The following CADM1 variants were observed in gnomAD, a reference collection of about 807,000 sequenced individuals.
The protein encoded by CADM1 is cell adhesion molecule 1.
Under a neutral mutation model 53.1 loss-of-function variants are expected in CADM1, and 15 were observed. The observed-to-expected ratio is 0.28, with a 90% CI of 0.19 to 0.44. CADM1 has a LOEUF of 0.44. Among genes scored for constraint, CADM1 ranks in the 20% least tolerant of loss-of-function variants. The pLI, the probability that CADM1 is intolerant of heterozygous loss-of-function variation, is 1.00. For synonymous variants in CADM1, 281 were observed against 243.0 expected (o/e 1.16, Z -1.45); for missense variants, 434 against 611.3 (o/e 0.71, Z 3.06).
intron 1 of CADM1, among the ~76,000 whole-genome samples, chr11:115,261,444 A>T (rs1246369662): frequency 6.6e-6 from 1 of 152,206 alleles, no homozygotes; most frequent in Non-Finnish European, 1.5e-5. Flanking sequence ...GAAAAAGTAA[A>T]ACAAAGTAGT....
At chr11:115,305,314 T>G (rs1435569102) in intron 1 of CADM1, among the ~76,000 whole-genome samples, 4 of 152,022 alleles carry the variant, frequency 2.6e-5, no homozygotes, top group African/African-American at 7.2e-5. Context: ...AGTATCTGAT[T>G]ATATACACAG....
At position 115,174,749 on chromosome 11, in the gene CADM1, A is replaced by T. The variant is rs1565276526; in HGVS notation, c.*1725T>A. Reference sequence around the variant, plus strand: ...TGAAAATGTAATAGAATATATATTTATATATATATATAGATCTATCTTTTT... The same window carrying T: ...TGAAAATGTAATAGAATATATATTTTTATATATATATAGATCTATCTTTTT... On this transcript the variant is annotated 3_prime_UTR_variant, in exon 12 of 12. Coordinates refer to ENST00000331581, the MANE Select transcript of CADM1 (RefSeq NM_001301043.2). 47 of 810,258 alleles carry T rather than the reference A, an allele frequency of 5.8e-5. No individual in the cohort carries two copies. The highest frequency in any genetic ancestry group is 6.9e-5 in the Non-Finnish European group (46 of 670,706). The allele number at this position is 810,258 out of a possible 1,614,324, so 50.2% of individuals were successfully genotyped here.
chr11:115,425,432 C>A (rs563557951), intron 1 of CADM1, among the ~76,000 whole-genome samples: 1 of 152,326 alleles, frequency 6.6e-6, no homozygotes, highest in Admixed American at 6.5e-5. Context: ...AGTTTCATTG[C>A]ACCCACTTCA....
chr11:115,482,699 A>G (rs1393923276), intron 1 of CADM1, among the ~76,000 whole-genome samples: 1 of 152,218 alleles, frequency 6.6e-6, no homozygotes, highest in Admixed American at 6.5e-5. Context: ...GGAGTCCCCT[A>G]AAGAGTTAGC....
At chr11:115,461,656 A>C (rs1041360643) in intron 1 of CADM1, among the ~76,000 whole-genome samples, 1 of 152,188 alleles carries the variant, frequency 6.6e-6, no homozygotes, top group Non-Finnish European at 1.5e-5. Context: ...AAAAGAAATG[A>C]ATATGGATGA....
intron 1 of CADM1, among the ~76,000 whole-genome samples, chr11:115,302,613 C>T (rs532020716): frequency 6.6e-6 from 1 of 152,030 alleles, no homozygotes; most frequent in Non-Finnish European, 1.5e-5. Flanking sequence ...AATAAATGCT[C>T]ATTTTCTTAC....
At position 115,211,542 on chromosome 11, in the gene CADM1, T is replaced by C. The variant is rs1940963879; in HGVS notation, c.995-1885A>G. Reference sequence around the variant, plus strand: ...TCGCCCAGGCTGGAGTGCAGTGGCATGATCTCAGCTCACTGCAATCTCCGC... The same window carrying C: ...TCGCCCAGGCTGGAGTGCAGTGGCACGATCTCAGCTCACTGCAATCTCCGC... On this transcript the variant is annotated intron_variant, in intron 7 of 11. Coordinates refer to ENST00000331581, the MANE Select transcript of CADM1 (RefSeq NM_001301043.2). Among the ~76,000 whole-genome samples the C allele has an allele frequency of 2.8e-5, 4 of 143,040 alleles. No homozygotes were observed. The South Asian group carries it at 8.9e-4, about 32-fold the overall frequency. The allele number at this position is 143,040 out of a possible 152,430, so 93.8% of individuals were successfully genotyped here. A position where few individuals can be genotyped will look rare whatever the true frequency, so the allele number is the denominator to read the frequency against.
intron 1 of CADM1, among the ~76,000 whole-genome samples, chr11:115,288,109 T>C (rs747107047): frequency 2.8e-4 from 42 of 152,246 alleles, no homozygotes; most frequent in Middle Eastern, 3.4e-3. Flanking sequence ...GCCAAGTGAA[T>C]ATCTGTGAGG....
intron 3 of CADM1, among the ~76,000 whole-genome samples, chr11:115,231,863 G>A (rs1056120165): frequency 6.6e-6 from 1 of 152,130 alleles, no homozygotes; most frequent in Non-Finnish European, 1.5e-5. Context: ...GCACATGCCT[G>A]TAATCCCAGC....
intron 1 of CADM1, among the ~76,000 whole-genome samples, chr11:115,301,914 T>C (rs1944232674): frequency 6.6e-6 from 1 of 152,124 alleles, no homozygotes; most frequent in Non-Finnish European, 1.5e-5. Flanking sequence ...TGAGAACATA[T>C]ATATTTCTTA....
intron 1 of CADM1, among the ~76,000 whole-genome samples, chr11:115,324,271 T>C (rs376113035): frequency 6.6e-6 from 1 of 152,204 alleles, no homozygotes; most frequent in Non-Finnish European, 1.5e-5. Context: ...AACTGCATCA[T>C]GCATCTTGAA....
chr11:115,251,263 C>T (rs1942596083), intron 1 of CADM1, among the ~76,000 whole-genome samples: 1 of 152,174 alleles, frequency 6.6e-6, no homozygotes, highest in East Asian at 1.9e-4. Context: ...TGAAATGTGG[C>T]TGTAATAGCA....
intron 10 of CADM1, among the ~76,000 whole-genome samples, chr11:115,189,965 G>A (rs1235376923): frequency 6.6e-6 from 1 of 152,112 alleles, no homozygotes; most frequent in East Asian, 1.9e-4. Flanking sequence ...TTCTCTCACC[G>A]GGTCAGACTT....
chr11:115,374,797 C>T (rs76600166), intron 1 of CADM1, among the ~76,000 whole-genome samples: 4,151 of 152,070 alleles, frequency 0.027, 168 homozygotes, highest in East Asian at 0.12. Flanking sequence ...ACAAGCAGTC[C>T]AGTTTCTTAA....
Position 115,209,561 on chromosome 11 carries a change from G to A in CADM1, c.1078+13C>T, listed in dbSNP as rs766968912. On this transcript the variant is annotated intron_variant, in intron 8 of 11. Transcript: ENST00000331581. ...CATTCAGGACATTTTCAATGGTAATGAAGATACCATACCTGTGATGATGGT... is the reference window on the plus strand; with the variant it reads ...CATTCAGGACATTTTCAATGGTAATAAAGATACCATACCTGTGATGATGGT... 1 of 1,494,110 alleles carries A rather than the reference G, an allele frequency of 6.7e-7. No individual in the cohort carries two copies. The highest frequency in any genetic ancestry group is 9.1e-7 in the Non-Finnish European group (1 of 1,103,050). 92.6% of individuals were successfully genotyped at this position (1,494,110 alleles called of 1,614,324 possible). A position where few individuals can be genotyped will look rare whatever the true frequency, so the allele number is the denominator to read the frequency against.
At chr11:115,262,787 G>A (rs561581000) in intron 1 of CADM1, among the ~76,000 whole-genome samples, 1 of 151,692 alleles carries the variant, frequency 6.6e-6, no homozygotes, top group African/African-American at 2.4e-5. Flanking sequence ...CTATGCCCTT[G>A]ATGGGTCTTT....
intron 1 of CADM1, among the ~76,000 whole-genome samples, chr11:115,340,647 TATATATATATA>T (rs371883471): frequency 2.4e-5 from 1 of 41,380 alleles, no homozygotes; most frequent in African/African-American, 8.7e-5. Flanking sequence ...TATATATATA[TATATATATATA>T]TTTTTTTTTT....
At chr11:115,380,273 A>C (rs1336001451) in intron 1 of CADM1, among the ~76,000 whole-genome samples, 1 of 152,212 alleles carries the variant, frequency 6.6e-6, no homozygotes, top group Non-Finnish European at 1.5e-5. Context: ...GAGAAGTTAC[A>C]CAAAACTGCA....
At chr11:115,464,849 G>C (rs993733900) in intron 1 of CADM1, among the ~76,000 whole-genome samples, 6 of 152,170 alleles carry the variant, frequency 3.9e-5, no homozygotes, top group African/African-American at 1.4e-4. Context: ...TCACTTAAAA[G>C]ATGTTGCTCA....
Sources: gnomAD v4.1 joint callset for allele counts (sites outside exome capture counted in the v4.1 genomes callset) on GRCh38, gnomAD v4.1.1 for gene constraint, MANE v1.5 for transcripts, NCBI Gene and HGNC (gene_info 2026-07-23, HGNC 2026-07-21) for gene names.